UBE2E2: variants seen among roughly 807,000 people sequenced by gnomAD.
UBE2E2 encodes the protein ubiquitin conjugating enzyme E2 E2, also known as ubiquitin-conjugating enzyme E2 E2.
UBE2E2 carries 6 observed loss-of-function variants against 24.7 expected under a neutral mutation model. The observed-to-expected ratio is 0.24, with a 90% CI of 0.13 to 0.48. The LOEUF is 0.48. Among genes scored for constraint, UBE2E2 ranks in the 20% least tolerant of loss-of-function variants. The pLI, the probability that UBE2E2 is intolerant of heterozygous loss-of-function variation, is 0.99. For missense variants in UBE2E2, 169 were observed against 245.0 expected, an observed-to-expected ratio of 0.69 and a Z score of 2.07; for synonymous variants, 104 against 83.6, an observed-to-expected ratio of 1.24 and a Z score of -1.33.
Position 23,377,687 on chromosome 3 carries a change from G to T in UBE2E2, c.228-121921G>T, listed in dbSNP as rs200873602. Among the ~76,000 whole-genome samples, 17 of 152,310 alleles carry T rather than the reference G, an allele frequency of 1.1e-4. No individual in the cohort carries two copies. The East Asian group carries it at 3.3e-3, about 29-fold the overall frequency. On this transcript the variant is annotated intron_variant, in intron 3 of 5. Transcript: ENST00000396703. ...TAAGAATTTCCCTGTTCTCCTTAAG[G>T]GCTGGGTGACTTTCAGCAAGTTACT... is the stretch of plus-strand genomic sequence containing the variant.
At position 23,557,867 on chromosome 3, in the gene UBE2E2, A is replaced by C. The variant is rs532367979; in HGVS notation, c.508+25166A>C. ...TTTAATATCCTCTTGTCCACAAACC[A>C]GGCTTACATAGTCTTCCTTGGAGTT... On this transcript the variant is annotated intron_variant, in intron 5 of 5. Coordinates refer to ENST00000396703, the MANE Select transcript of UBE2E2 (RefSeq NM_152653.4). Among the ~76,000 whole-genome samples, 89 of 152,296 alleles carry C rather than the reference A, an allele frequency of 5.8e-4. No individual in the cohort carries two copies. The South Asian group carries it at 0.018, about 30-fold the overall frequency.
intron 3 of UBE2E2, among the ~76,000 whole-genome samples, chr3:23,357,083 G>C (rs6778478): frequency 0.29 from 43,665 of 152,068 alleles, 6,497 homozygotes; most frequent in East Asian, 0.36. Flanking sequence ...TAAATGCTTT[G>C]ACCTGGCTTA....
chr3:23,546,079 A>G (rs1435100049), intron 5 of UBE2E2, among the ~76,000 whole-genome samples: 1 of 152,246 alleles, frequency 6.6e-6, no homozygotes, highest in Non-Finnish European at 1.5e-5. Context: ...GTGTAGGTAT[A>G]CTAAAATCTC....
chr3:23,566,897 G>A (rs1337873406), intron 5 of UBE2E2, among the ~76,000 whole-genome samples: 1 of 152,178 alleles, frequency 6.6e-6, no homozygotes, highest in Non-Finnish European at 1.5e-5. Flanking sequence ...AAGGAAAGGG[G>A]AAAGGCCAAG....
chr3:23,277,759 A>G (rs1371477543), intron 3 of UBE2E2, among the ~76,000 whole-genome samples: 1 of 152,064 alleles, frequency 6.6e-6, no homozygotes, highest in Non-Finnish European at 1.5e-5. Flanking sequence ...CTCTAAGGCT[A>G]TGTTAGTGAC....
At chr3:23,432,477 T>G (rs1283121540) in intron 3 of UBE2E2, among the ~76,000 whole-genome samples, 1 of 152,072 alleles carries the variant, frequency 6.6e-6, no homozygotes, top group African/African-American at 2.4e-5. Flanking sequence ...TTTAATATTT[T>G]TAATATTCAG....
chr3:23,556,225 A>G (rs557423960), intron 5 of UBE2E2, among the ~76,000 whole-genome samples: 3 of 143,514 alleles, frequency 2.1e-5, no homozygotes, highest in Admixed American at 1.4e-4. Flanking sequence ...GCTCACTGCA[A>G]CCTCCACCTC....
chr3:23,232,696 G>C (rs1697004969), intron 3 of UBE2E2, among the ~76,000 whole-genome samples: 1 of 152,186 alleles, frequency 6.6e-6, no homozygotes, highest in Admixed American at 6.5e-5. Flanking sequence ...GTTTTTAAAA[G>C]ATTTTAAATG....
At chr3:23,420,356 A>G (rs1385297560) in intron 3 of UBE2E2, among the ~76,000 whole-genome samples, 3 of 152,340 alleles carry the variant, frequency 2.0e-5, no homozygotes, top group African/African-American at 7.2e-5. Flanking sequence ...GAACTGGATC[A>G]GAAAGTCTAA....
chr3:23,518,582 GA>G (rs1694794516), intron 4 of UBE2E2, among the ~76,000 whole-genome samples: 4 of 152,186 alleles, frequency 2.6e-5, no homozygotes, highest in Admixed American at 2.6e-4. Context: ...TGAAGAGTCA[GA>G]AGGCTTGCCT....
intron 3 of UBE2E2, among the ~76,000 whole-genome samples, chr3:23,266,857 T>G (rs1447402689): frequency 6.6e-6 from 1 of 152,170 alleles, no homozygotes; most frequent in Non-Finnish European, 1.5e-5. Context: ...AAACTGTCTC[T>G]CAGACCACAG....
chr3:23,446,621 A>T (rs1442774218), intron 3 of UBE2E2, among the ~76,000 whole-genome samples: 1 of 151,374 alleles, frequency 6.6e-6, no homozygotes, highest in African/African-American at 2.4e-5. Context: ...TACCAAATTG[A>T]TACCATATCT....
intron 3 of UBE2E2, among the ~76,000 whole-genome samples, chr3:23,362,402 C>A (rs1209791995): frequency 2.6e-5 from 4 of 152,114 alleles, no homozygotes; most frequent in African/African-American, 7.2e-5. Context: ...GAGACTTGGG[C>A]CCTGGAGCAG....
intron 3 of UBE2E2, chr3:23,389,544 G>A (rs1277996251): frequency 5.1e-6 from 1 of 197,196 alleles, no homozygotes; most frequent in Non-Finnish European, 1.1e-5. Flanking sequence ...AGCAACCACT[G>A]AGTCTTTGAA....
intron 5 of UBE2E2, among the ~76,000 whole-genome samples, chr3:23,567,075 A>G (rs147239075): frequency 6.6e-6 from 1 of 152,320 alleles, no homozygotes; most frequent in African/African-American, 2.4e-5. Flanking sequence ...GGATCAGTGA[A>G]TATTATTTAG....
At chr3:23,305,385 T>G (rs1699214290) in intron 3 of UBE2E2, among the ~76,000 whole-genome samples, 1 of 152,220 alleles carries the variant, frequency 6.6e-6, no homozygotes, top group African/African-American at 2.4e-5. Context: ...ATTAATAATT[T>G]TTGCTGCTTT....
At chr3:23,252,355 A>G (rs1304387725) in intron 3 of UBE2E2, among the ~76,000 whole-genome samples, 1 of 152,192 alleles carries the variant, frequency 6.6e-6, no homozygotes, top group Non-Finnish European at 1.5e-5. Flanking sequence ...AGTGATCTTG[A>G]GGACTATGAC....
chr3:23,373,582 A>G (rs1696447363), intron 3 of UBE2E2, among the ~76,000 whole-genome samples: 1 of 152,206 alleles, frequency 6.6e-6, no homozygotes, highest in Non-Finnish European at 1.5e-5. Flanking sequence ...GGAGACTTGC[A>G]TTCCTGTTAG....
At chr3:23,411,514 G>T (rs749419507) in intron 3 of UBE2E2, among the ~76,000 whole-genome samples, 1 of 152,076 alleles carries the variant, frequency 6.6e-6, no homozygotes, top group Non-Finnish European at 1.5e-5. Flanking sequence ...GTCTATCTTG[G>T]GTTATTGAGG....
Sources: gnomAD v4.1 joint callset for allele counts (sites outside exome capture counted in the v4.1 genomes callset) on GRCh38, gnomAD v4.1.1 for gene constraint, MANE v1.5 for transcripts, NCBI Gene and HGNC (gene_info 2026-07-23, HGNC 2026-07-21) for gene names.